Variants in MYBBP1A observed in about 807,000 individuals in gnomAD.
The protein encoded by MYBBP1A is MYB binding protein 1a.
Under a neutral mutation model 136.3 loss-of-function variants are expected in MYBBP1A, and 147 were observed. The ratio of observed to expected loss-of-function variants is 1.08; its 90% CI spans 0.94 to 1.24. MYBBP1A has a LOEUF of 1.24. Ranked by LOEUF, MYBBP1A falls within the 50% of genes most tolerant of loss-of-function variation. The pLI, the probability that MYBBP1A is intolerant of heterozygous loss-of-function variation, is 0.00. For missense variants in MYBBP1A, 2,060 were observed against 1,727.4 expected (o/e 1.19, Z -3.41); for synonymous variants, 947 against 735.8 (o/e 1.29, Z -4.65).
chr17:4,544,158 C>A (rs919637666), intron 19 of MYBBP1A, among the ~76,000 whole-genome samples: 1 of 151,374 alleles, frequency 6.6e-6, no homozygotes, highest in African/African-American at 2.5e-5. Flanking sequence ...CACCCCAGCA[C>A]AGCCCCACTT....
intron 19 of MYBBP1A, 109 bp from the exon 20 acceptor site, chr17:4,543,274 G>A: frequency 4.3e-6 from 6 of 1,404,896 alleles, no homozygotes; most frequent in Non-Finnish European, 5.6e-6. Flanking sequence ...AGACCTAGAA[G>A]ACGACAGAGG....
chr17:4,552,367 C>A lies in MYBBP1A; in HGVS notation c.738-75G>T. On this transcript the variant is annotated intron_variant, in intron 6 of 25. Coordinates refer to ENST00000254718, the MANE Select transcript of MYBBP1A (RefSeq NM_014520.4). The surrounding 1 kb of genome is among the most constrained non-coding windows in gnomAD (Gnocchi z 4.7). ...AGGGTGACAAGAGCAGCCGGGACAC[C>A]CCCAGGCCAAACGACAAATCTGGGC... 1 of 1,603,696 alleles carries A rather than the reference C, an allele frequency of 6.2e-7. No homozygotes were observed. Among genetic ancestry groups the A allele is most frequent in the Non-Finnish European group, 8.5e-7 (1 of 1,175,412 alleles).
At chr17:4,553,480 T>C (rs958221756) in intron 5 of MYBBP1A, among the ~76,000 whole-genome samples, 11 of 152,226 alleles carry the variant, frequency 7.2e-5, no homozygotes, top group Non-Finnish European at 1.6e-4. Flanking sequence ...GCCTGAAAGG[T>C]GGCTAATCTG....
chr17:4,544,999 G>GCCCCCCCCCCCCCCCCCCCCCCC, intron 17 of MYBBP1A, 27 bp downstream of exon 17: 2 of 498,358 alleles, frequency 4.0e-6, no homozygotes, highest in Non-Finnish European at 5.3e-6. Flanking sequence ...CTCCCCGGCC[G>GCCCCCCCCCCCCCCCCCCCCCCC]CCCCCCCCTC....
Position 4,540,370 on chromosome 17 carries a change from C to G in MYBBP1A, c.3412G>C (p.Ala1138Pro). Reference sequence around the variant, plus strand: ...TACTGGACTCCCAGGGTTTTCATGGCCTGCCAGTAGAGGTCGTGCAGGCGG... The same window carrying G: ...TACTGGACTCCCAGGGTTTTCATGGGCTGCCAGTAGAGGTCGTGCAGGCGG... ...SSRLHDLYWQ[A>P]MKTLGVQRPK... The change falls in exon 25 of 26, where the codon GCC (alanine) becomes CCC (proline). Residue 1138 changes from alanine (A) to proline (P), a missense_variant. By Grantham distance (27) the Ala-to-Pro change is conservative. Transcript: ENST00000254718. The G allele has an allele frequency of 3.1e-6, 5 of 1,608,578 alleles. No individual in the cohort carries two copies. Among genetic ancestry groups the G allele is most frequent in the Non-Finnish European group, 4.2e-6 (5 of 1,179,568 alleles).
At position 4,542,753 on chromosome 17, in the gene MYBBP1A, G is replaced by C. The variant is rs778445754; in HGVS notation, c.2893-12C>G. ...AAGCAGCTGGCAGCCTAGGCCAGGG[G>C]AGAGCGAGCTGGGTGAGGCCAGGAG... is the stretch of plus-strand genomic sequence containing the variant. On this transcript the variant is annotated splice_polypyrimidine_tract_variant and intron_variant, in intron 20 of 25. Coordinates refer to ENST00000254718, the MANE Select transcript of MYBBP1A (RefSeq NM_014520.4). The C allele has an allele frequency of 1.2e-6, 2 of 1,613,306 alleles. No individual in the cohort carries two copies. Among genetic ancestry groups the C allele is most frequent in the South Asian group, 2.2e-5 (2 of 91,006 alleles).
In MYBBP1A at chr17:4,548,651, T is replaced by C. The variant is rs1907223644; in HGVS notation, c.1431-2A>G. The C allele has an allele frequency of 1.2e-6, 2 of 1,614,006 alleles. No homozygotes were observed. Among genetic ancestry groups the C allele is most frequent in the Non-Finnish European group, 1.7e-6 (2 of 1,179,998 alleles). On this transcript the variant is annotated splice_acceptor_variant, in intron 10 of 25. Transcript: ENST00000254718. LOFTEE classifies it high-confidence loss of function. This position sits in a 1 kb window ranked among gnomAD's most constrained non-coding sequence, Gnocchi z 4.2. The stretch of plus-strand genomic sequence containing the variant: ...AAGAACGAGTGGAACAAACAAAACC[T>C]GGGGAGGGTGGGAGAGTGGCCATAG...
At chr17:4,554,351 C>G (rs1237273386) in intron 2 of MYBBP1A, 73 bp from the exon 3 acceptor site, 1 of 1,327,464 alleles carries the variant, frequency 7.5e-7, no homozygotes, top group Non-Finnish European at 1.1e-6. Flanking sequence ...AAACCTTAAC[C>G]TCCCTTCCCC....
At chr17:4,551,729 G>A (rs377226629) in intron 8 of MYBBP1A, 151 bp downstream of exon 8, 343 of 661,942 alleles carry the variant, frequency 5.2e-4, no homozygotes, top group Admixed American at 8.6e-4. Flanking sequence ...AAATTTGTCC[G>A]AGGGAAAGGG....
At position 4,545,860 on chromosome 17, in the gene MYBBP1A, C is replaced by T. The variant is rs143190845; in HGVS notation, c.1907G>A (p.Arg636His). ...KSLGEKPRRS[R>H]TKTIDPQEPP... is the part of the protein sequence containing the mutation. ...CAAGGACCCACCGATGGTCTTGGTG[C>T]GGCTCCGGCGGGGCTTCTCTCCCAG... is the stretch of plus-strand genomic sequence containing the variant. The change falls in exon 14 of 26, where the codon CGC becomes CAC. Residue 636 changes from arginine (R) to histidine (H), a missense_variant. By Grantham distance (29) the Arg-to-His change is conservative. Coordinates refer to ENST00000254718, the MANE Select transcript of MYBBP1A (RefSeq NM_014520.4). 2.2e-5 allele frequency: 35 copies of T among 1,612,980 alleles called. No homozygotes were observed. The highest frequency in any genetic ancestry group is 6.7e-5 in the Admixed American group (4 of 59,970).
intron 4 of MYBBP1A, 38 bp downstream of exon 4, chr17:4,553,981 G>A: frequency 6.2e-7 from 1 of 1,613,828 alleles, no homozygotes; most frequent in Non-Finnish European, 8.5e-7. Flanking sequence ...CCCATCCCAA[G>A]CCAGCCTACA....
chr17:4,552,057 A>G lies in MYBBP1A; in HGVS notation c.906-60T>C. On this transcript the variant is annotated intron_variant, in intron 7 of 25. Transcript: ENST00000254718. The surrounding 1 kb of genome is among the most constrained non-coding windows in gnomAD (Gnocchi z 4.7). ...CCTTGGTGCCCCTGGTGGGAACCTC[A>G]GGACTAGTGGCCTAGCCCACTTCAC... The G allele has an allele frequency of 1.3e-6, 2 of 1,596,274 alleles. No individual in the cohort carries two copies. The highest frequency in any genetic ancestry group is 2.2e-5 in the East Asian group (1 of 44,614).
At chr17:4,553,725 G>C (rs998374130) in intron 5 of MYBBP1A, 85 bp downstream of exon 5, 28 of 988,500 alleles carry the variant, frequency 2.8e-5, no homozygotes, top group Non-Finnish European at 4.3e-5. Context: ...CTATGGAACA[G>C]TGCTGTTCCA....
chr17:4,546,860 C>T (rs1409876122), intron 13 of MYBBP1A, among the ~76,000 whole-genome samples: 3 of 151,878 alleles, frequency 2.0e-5, no homozygotes, highest in South Asian at 2.1e-4. Context: ...CATTGCTCTC[C>T]GGCTCCCAGG....
chr17:4,542,074 C>CT, intron 22 of MYBBP1A, 183 bp from the exon 23 acceptor site: 1 of 602,334 alleles, frequency 1.7e-6, no homozygotes, highest in East Asian at 2.8e-5. Flanking sequence ...ACACCAAGGC[C>CT]TCCCAGCTGG....
rs771197815 is a variant in MYBBP1A at position 4,544,535 on chromosome 17, AGCT to A, written c.2590_2592del (p.Ser865del). The A allele has an allele frequency of 6.4e-7, 1 of 1,555,876 alleles. No individual in the cohort carries two copies. The highest frequency in any genetic ancestry group is 2.4e-5 in the East Asian group (1 of 41,356). On this transcript the variant is annotated inframe_deletion, in exon 19 of 26. Coordinates refer to ENST00000254718, the MANE Select transcript of MYBBP1A (RefSeq NM_014520.4). Reference sequence around the variant, plus strand: ...TGCAGAAGGTCCTGCTCCTGTTTGGAGCTGCTGCTGCGCAGGCTGCGCCGGATG... The same window carrying A: ...TGCAGAAGGTCCTGCTCCTGTTTGGAGCTGCTGCGCAGGCTGCGCCGGATG...
In MYBBP1A at chr17:4,551,918, C is replaced by T. The variant is rs141257590; in HGVS notation, c.985G>A (p.Val329Met). ...EQLHLVMQGD[V>M]IRHYGEHVCT... ...ACGTGCTCCCCGTAATGGCGGATCA[C>T]GTCTCCCTGCATCACCAGGTGCAGC... The change falls in exon 8 of 26, where the codon GTG becomes ATG. Residue 329 changes from valine to methionine, a missense_variant. Transcript: ENST00000254718. 182 of 1,613,386 alleles carry T rather than the reference C, an allele frequency of 1.1e-4. No homozygotes were observed. In the African/African-American group the frequency reaches 1.5e-3, roughly 13 times the overall value.
chr17:4,543,970 T>C lies in MYBBP1A; in HGVS notation c.2639+519A>G, dbSNP rs535899543. Reference sequence around the variant, plus strand: ...CAGGGCCTGCGAGGGTGCGGGGGTCTGTGGCCTCGCTGCTTGCCTGACCTT... The same window carrying C: ...CAGGGCCTGCGAGGGTGCGGGGGTCCGTGGCCTCGCTGCTTGCCTGACCTT... On this transcript the variant is annotated intron_variant, in intron 19 of 25. Coordinates refer to ENST00000254718, the MANE Select transcript of MYBBP1A (RefSeq NM_014520.4). 3.9e-5 allele frequency among the ~76,000 whole-genome samples: 6 copies of C among 152,280 alleles called. No homozygotes were observed. In the South Asian group the frequency reaches 1.0e-3, roughly 26 times the overall value.
chr17:4,549,563 G>T, intron 9 of MYBBP1A, 121 bp from the exon 10 acceptor site: 1 of 798,144 alleles, frequency 1.3e-6, no homozygotes, highest in Non-Finnish European at 2.0e-6. Context: ...AATCACTCGA[G>T]GTCAGGAGTT....
Sources: allele counts gnomAD v4.1 joint callset (sites outside exome capture counted in the v4.1 genomes callset), GRCh38; gene constraint gnomAD v4.1.1; non-coding constraint Gnocchi (gnomAD v3.1); transcripts MANE v1.5; gene names NCBI Gene and HGNC (gene_info 2026-07-23, HGNC 2026-07-21).